The following MAB21L2 variants were observed in gnomAD, a reference collection of about 807,000 sequenced individuals.
MAB21L2 encodes mab-21 like 2, also known as protein mab-21-like 2.
In MAB21L2, 15 loss-of-function variants were observed where a neutral mutation model predicts 29.8. The observed-to-expected ratio is 0.50, with a 90% confidence interval of 0.34 to 0.78. MAB21L2 has a LOEUF of 0.78. MAB21L2 is among the 30% of genes least tolerant of loss of function. MAB21L2 has a pLI of 0.01. For synonymous variants in MAB21L2, 218 were observed against 210.4 expected, an observed-to-expected ratio of 1.04 and a Z score of -0.31; for missense variants, 321 against 480.1, an observed-to-expected ratio of 0.67 and a Z score of 3.10.
chr4:150,582,987 G>A lies in MAB21L2; in HGVS notation c.-43G>A, dbSNP rs1433678324. Reference sequence around the variant, plus strand: ...GTGCGTGAGCCTTGGATCCCTCAACGTATTGCGAGACGCCGGTGTATAGCC... The same window carrying A: ...GTGCGTGAGCCTTGGATCCCTCAACATATTGCGAGACGCCGGTGTATAGCC... On this transcript the variant is annotated 5_prime_UTR_variant, in exon 1 of 1. Coordinates refer to ENST00000317605, the MANE Select transcript of MAB21L2 (RefSeq NM_006439.5). 8.5e-6 allele frequency: 13 copies of A among 1,536,560 alleles called. No homozygotes were observed. Among genetic ancestry groups the A allele is most frequent in the East Asian group, 2.3e-5 (1 of 44,202 alleles).
Position 150,582,774 on chromosome 4 carries a change from T to C in MAB21L2, c.-256T>C, listed in dbSNP as rs533079642. ...AAAGCAAAAAGGTTCCAAGAGGTAC[T>C]TTTCTTTTTAGAAAATCACCTTTTC... On this transcript the variant is annotated 5_prime_UTR_variant, in exon 1 of 1. Coordinates refer to ENST00000317605, the MANE Select transcript of MAB21L2 (RefSeq NM_006439.5). The C allele has an allele frequency of 4.5e-6, 2 of 442,544 alleles. No homozygotes were observed. The highest frequency in any genetic ancestry group is 5.4e-5 in the South Asian group (1 of 18,574). The allele number at this position is 442,544 out of a possible 1,614,324, so 27.4% of individuals were successfully genotyped here. A position where few individuals can be genotyped will look rare whatever the true frequency, so the allele number is the denominator to read the frequency against.
In MAB21L2 at chr4:150,582,974, T is replaced by C; in HGVS notation, c.-56T>C. ...TGGGCCACCACCAGTGCGTGAGCCTTGGATCCCTCAACGTATTGCGAGACG... is the reference window on the plus strand; with the variant it reads ...TGGGCCACCACCAGTGCGTGAGCCTCGGATCCCTCAACGTATTGCGAGACG... On this transcript the variant is annotated 5_prime_UTR_variant, in exon 1 of 1. Transcript: ENST00000317605. 1 of 1,525,596 alleles carries C rather than the reference T, an allele frequency of 6.6e-7. No individual in the cohort carries two copies. Among genetic ancestry groups the C allele is most frequent in the Non-Finnish European group, 8.8e-7 (1 of 1,137,422 alleles). 94.5% of individuals were successfully genotyped at this position (1,525,596 alleles called of 1,614,324 possible).
Position 150,582,830 on chromosome 4 carries a change from T to G in MAB21L2, c.-200T>G. The G allele has an allele frequency of 1.9e-6, 1 of 514,024 alleles. No individual in the cohort carries two copies. The highest frequency in any genetic ancestry group is 3.3e-6 in the Non-Finnish European group (1 of 301,246). The allele number at this position is 514,024 out of a possible 1,614,324, so 31.8% of individuals were successfully genotyped here. ...TAATTCTTCTGCAGAAGAAAAGAGGTTTCGAAAGAGGGAAAAGGAAAAAAC... is the reference window on the plus strand; with the variant it reads ...TAATTCTTCTGCAGAAGAAAAGAGGGTTCGAAAGAGGGAAAAGGAAAAAAC... On this transcript the variant is annotated 5_prime_UTR_variant, in exon 1 of 1. Transcript: ENST00000317605.
At position 150,584,179 on chromosome 4, in the gene MAB21L2, C is replaced by G; in HGVS notation, c.*70C>G. 1 of 1,430,536 alleles carries G rather than the reference C, an allele frequency of 7.0e-7. No individual in the cohort carries two copies. The highest frequency in any genetic ancestry group is 9.2e-7 in the Non-Finnish European group (1 of 1,088,370). 88.6% of individuals were successfully genotyped at this position (1,430,536 alleles called of 1,614,324 possible). A position where few individuals can be genotyped will look rare whatever the true frequency, so the allele number is the denominator to read the frequency against. On this transcript the variant is annotated 3_prime_UTR_variant, in exon 1 of 1. Coordinates refer to ENST00000317605, the MANE Select transcript of MAB21L2 (RefSeq NM_006439.5). Reference sequence around the variant, plus strand: ...CTCAGACACACAACTCTGCTATAAACAGCAGAAACTCTGGACACAAACTTT... The same window carrying G: ...CTCAGACACACAACTCTGCTATAAAGAGCAGAAACTCTGGACACAAACTTT...
At position 150,583,779 on chromosome 4, in the gene MAB21L2, CCT is replaced by C; in HGVS notation, c.754_755del (p.Val253AlafsTer130). On this transcript the variant is annotated frameshift_variant, in exon 1 of 1. Coordinates refer to ENST00000317605, the MANE Select transcript of MAB21L2 (RefSeq NM_006439.5). LOFTEE classifies it high-confidence loss of function. This position sits in a 1 kb window ranked among gnomAD's most constrained non-coding sequence, Gnocchi z 9.8. ...LLMGGCRNKCLSVLKTLRDRH... is the reference protein window; with the variant it reads ...LLMGGCRNKCXSVLKTLRDRH... ...TGATGGGCGGCTGCCGAAACAAGTG[CCT>C]CTCAGTGCTGAAGACTCTGCGGGAC... The C allele has an allele frequency of 6.2e-7, 1 of 1,614,148 alleles. No individual in the cohort carries two copies. Among genetic ancestry groups the C allele is most frequent in the Non-Finnish European group, 8.5e-7 (1 of 1,180,030 alleles).
In MAB21L2 at chr4:150,583,710, C is replaced by T. The variant is rs1351551464; in HGVS notation, c.681C>T (p.Ser227=). 7.4e-6 allele frequency: 12 copies of T among 1,613,248 alleles called. No homozygotes were observed. The South Asian group carries it at 9.9e-5, about 13-fold the overall frequency. Residue 227 remains serine (S), a synonymous_variant, in exon 1 of 1, where the codon AGC becomes AGT. Transcript: ENST00000317605. The surrounding 1 kb of genome is among the most constrained non-coding windows in gnomAD (Gnocchi z 9.8). ...CCGGCAAGCAGAGCTCGGCAGAGAG[C>T]GACGCCTGGGTGCTACAGTTCGGGG... is the stretch of plus-strand genomic sequence containing the variant. ...SLTGKQSSAE[S]DAWVLQFGEA...
Position 150,583,008 on chromosome 4 carries a change from T to G in MAB21L2, c.-22T>G. The G allele has an allele frequency of 6.4e-7, 1 of 1,558,584 alleles. No homozygotes were observed. The highest frequency in any genetic ancestry group is 8.7e-7 in the Non-Finnish European group (1 of 1,151,990). ...CAACGTATTGCGAGACGCCGGTGTA[T>G]AGCCCGGACCTGTGCCCCAACATGA... On this transcript the variant is annotated 5_prime_UTR_variant, in exon 1 of 1. Transcript: ENST00000317605. The surrounding 1 kb of genome is among the most constrained non-coding windows in gnomAD (Gnocchi z 9.8).
Position 150,583,130 on chromosome 4 carries a change from T to C in MAB21L2, c.101T>C (p.Val34Ala). Residue 34 changes from valine (V) to alanine (A), a missense_variant, in exon 1 of 1, where the codon GTC becomes GCC. By Grantham distance (64) the Val-to-Ala change is moderately conservative. Coordinates refer to ENST00000317605, the MANE Select transcript of MAB21L2 (RefSeq NM_006439.5). This position sits in a 1 kb window ranked among gnomAD's most constrained non-coding sequence, Gnocchi z 9.8. ...KAAIAKTIRE[V>A]CKVVSDVLKE... ...GCCATCGCCAAAACCATCCGAGAGG[T>C]CTGTAAGGTGGTCTCGGACGTGCTC... 1 of 1,613,842 alleles carries C rather than the reference T, an allele frequency of 6.2e-7. No homozygotes were observed. Among genetic ancestry groups the C allele is most frequent in the Non-Finnish European group, 8.5e-7 (1 of 1,179,958 alleles).
At position 150,584,127 on chromosome 4, in the gene MAB21L2, G is replaced by GA. The variant is rs752884805; in HGVS notation, c.*22dup. On this transcript the variant is annotated 3_prime_UTR_variant, in exon 1 of 1. Transcript: ENST00000317605. The stretch of plus-strand genomic sequence containing the variant: ...AACTATAGGGTGCTGGGGACTGCTT[G>GA]AAAAGCGACACAAACGGGCGTGCTC... 4 of 1,506,212 alleles carry GA rather than the reference G, an allele frequency of 2.7e-6. No homozygotes were observed. In the South Asian group the frequency reaches 5.5e-5, roughly 21 times the overall value. The allele number at this position is 1,506,212 out of a possible 1,614,324, so 93.3% of individuals were successfully genotyped here.
At position 150,583,249 on chromosome 4, in the gene MAB21L2, T is replaced by A; in HGVS notation, c.220T>A (p.Phe74Ile). 1 of 1,614,160 alleles carries A rather than the reference T, an allele frequency of 6.2e-7. No individual in the cohort carries two copies. The highest frequency in any genetic ancestry group is 8.5e-7 in the Non-Finnish European group (1 of 1,180,022). The part of the protein sequence containing the change: ...EGLEVISPTE[F>I]EVVLYLNQMG... Reference sequence around the variant, plus strand: ...GCTCGAGGTCATTTCGCCCACCGAATTTGAGGTGGTGCTCTACCTAAACCA... The same window carrying A: ...GCTCGAGGTCATTTCGCCCACCGAAATTGAGGTGGTGCTCTACCTAAACCA... Residue 74 changes from phenylalanine to isoleucine, a missense_variant, in exon 1 of 1, where the codon TTT (phenylalanine) becomes ATT (isoleucine). Physicochemically the swap from Phe to Ile is conservative, Grantham distance 21. Coordinates refer to ENST00000317605, the MANE Select transcript of MAB21L2 (RefSeq NM_006439.5). The surrounding 1 kb of genome is among the most constrained non-coding windows in gnomAD (Gnocchi z 9.8).
In MAB21L2 at chr4:150,583,353, G is replaced by A. The variant is rs200271959; in HGVS notation, c.324G>A (p.Arg108=). The A allele has an allele frequency of 7.4e-6, 12 of 1,614,184 alleles. No homozygotes were observed. Residue 108 remains arginine, a synonymous_variant, in exon 1 of 1, where the codon CGG becomes CGA. Transcript: ENST00000317605. This position sits in a 1 kb window ranked among gnomAD's most constrained non-coding sequence, Gnocchi z 9.8. ...AVLKLSDGRK[R]SMSLWVEFIT... ...TCAAACTGAGCGATGGGCGGAAGCG[G>A]AGCATGTCTCTCTGGGTCGAGTTCA... is the stretch of plus-strand genomic sequence containing the variant.
Position 150,583,301 on chromosome 4 carries a change from A to G in MAB21L2, c.272A>G (p.Asp91Gly), listed in dbSNP as rs750314750. The change falls in exon 1 of 1, where the codon GAC (aspartate) becomes GGC (glycine). Residue 91 changes from aspartate to glycine, a missense_variant. Physicochemically the swap from Asp to Gly is moderately conservative, Grantham distance 94. Coordinates refer to ENST00000317605, the MANE Select transcript of MAB21L2 (RefSeq NM_006439.5). This position sits in a 1 kb window ranked among gnomAD's most constrained non-coding sequence, Gnocchi z 9.8. The part of the protein sequence containing the change: ...NQMGVFNFVD[D>G]GSLPGCAVLK... ...ATGGGCGTCTTCAACTTCGTGGACG[A>G]CGGCTCGCTGCCCGGCTGCGCAGTG... The G allele has an allele frequency of 3.7e-6, 6 of 1,614,186 alleles. No individual in the cohort carries two copies. The highest frequency in any genetic ancestry group is 5.1e-6 in the Non-Finnish European group (6 of 1,180,038).
In MAB21L2 at chr4:150,582,957, C is replaced by G. The variant is rs1771586934; in HGVS notation, c.-73C>G. The stretch of plus-strand genomic sequence containing the variant: ...CCTCTTTCGAAAGCCGCTGGGCCAC[C>G]ACCAGTGCGTGAGCCTTGGATCCCT... On this transcript the variant is annotated 5_prime_UTR_variant, in exon 1 of 1. Coordinates refer to ENST00000317605, the MANE Select transcript of MAB21L2 (RefSeq NM_006439.5). 1 of 1,507,592 alleles carries G rather than the reference C, an allele frequency of 6.6e-7. No homozygotes were observed. The allele number at this position is 1,507,592 out of a possible 1,614,324, so 93.4% of individuals were successfully genotyped here.
chr4:150,582,728 G>A lies in MAB21L2; in HGVS notation c.-302G>A, dbSNP rs1581738229. 3.4e-6 allele frequency: 1 copy of A among 297,252 alleles called. No homozygotes were observed. Among genetic ancestry groups the A allele is most frequent in the East Asian group, 5.6e-5 (1 of 17,764 alleles). 18.4% of individuals were successfully genotyped at this position (297,252 alleles called of 1,614,324 possible). Reference sequence around the variant, plus strand: ...GCCCACCCCGCTTCTCTCGCACACGGTCATCTTTACATATCAAGAGAAAGC... The same window carrying A: ...GCCCACCCCGCTTCTCTCGCACACGATCATCTTTACATATCAAGAGAAAGC... On this transcript the variant is annotated 5_prime_UTR_variant, in exon 1 of 1. Coordinates refer to ENST00000317605, the MANE Select transcript of MAB21L2 (RefSeq NM_006439.5).
chr4:150,584,142 C>G lies in MAB21L2; in HGVS notation c.*33C>G. 2 of 1,501,944 alleles carry G rather than the reference C, an allele frequency of 1.3e-6. No individual in the cohort carries two copies. Among genetic ancestry groups the G allele is most frequent in the South Asian group, 1.4e-5 (1 of 71,392 alleles). 93.0% of individuals were successfully genotyped at this position (1,501,944 alleles called of 1,614,324 possible). A position where few individuals can be genotyped will look rare whatever the true frequency, so the allele number is the denominator to read the frequency against. On this transcript the variant is annotated 3_prime_UTR_variant, in exon 1 of 1. Coordinates refer to ENST00000317605, the MANE Select transcript of MAB21L2 (RefSeq NM_006439.5). ...GGGACTGCTTGAAAAGCGACACAAA[C>G]GGGCGTGCTCTCTCAGACACACAAC...
rs1179962218 is a variant in MAB21L2 at position 150,583,825 on chromosome 4, G to C, written c.796G>C (p.Gly266Arg). 14 of 1,614,190 alleles carry C rather than the reference G, an allele frequency of 8.7e-6. No individual in the cohort carries two copies. The highest frequency in any genetic ancestry group is 1.1e-5 in the Non-Finnish European group (13 of 1,180,034). Residue 266 changes from glycine to arginine, a missense_variant, in exon 1 of 1, where the codon GGC becomes CGC. By Grantham distance (125) the Gly-to-Arg change is moderately radical (BLOSUM62 -2). Transcript: ENST00000317605. The surrounding 1 kb of genome is among the most constrained non-coding windows in gnomAD (Gnocchi z 9.8). Reference sequence around the variant, plus strand: ...GCGGGACCGCCACCTGGAGCTACCCGGCCAGCCGCTCAACAACTACCACAT... The same window carrying C: ...GCGGGACCGCCACCTGGAGCTACCCCGCCAGCCGCTCAACAACTACCACAT... ...TLRDRHLELPGQPLNNYHMKT... is the reference protein window; with the variant it reads ...TLRDRHLELPRQPLNNYHMKT...
In MAB21L2 at chr4:150,583,396, C is replaced by G. The variant is rs1425553540; in HGVS notation, c.367C>G (p.Leu123Val). 1 of 1,613,952 alleles carries G rather than the reference C, an allele frequency of 6.2e-7. No homozygotes were observed. Among genetic ancestry groups the G allele is most frequent in the African/African-American group, 1.3e-5 (1 of 74,946 alleles). The change falls in exon 1 of 1, where the codon CTC becomes GTC. Residue 123 changes from leucine to valine, a missense_variant. Coordinates refer to ENST00000317605, the MANE Select transcript of MAB21L2 (RefSeq NM_006439.5). This position sits in a 1 kb window ranked among gnomAD's most constrained non-coding sequence, Gnocchi z 9.8. ...WVEFITASGY[L>V]SARKIRSRFQ... ...CGAGTTCATCACGGCGTCGGGCTAT[C>G]TCTCAGCGCGTAAGATCCGCTCGCG...
At position 150,584,104 on chromosome 4, in the gene MAB21L2, CTA is replaced by C; in HGVS notation, c.1078_1079del (p.Ter360GlyfsTer23). The C allele has an allele frequency of 6.5e-7, 1 of 1,538,302 alleles. No homozygotes were observed. Among genetic ancestry groups the C allele is most frequent in the Non-Finnish European group, 8.7e-7 (1 of 1,143,062 alleles). ...CACCAATCCCAAAAGCCTGGACAAA[CTA>C]TAGGGTGCTGGGGACTGCTTGAAAA... is the stretch of plus-strand genomic sequence containing the variant. ...ILTNPKSLDK[L>X] On this transcript the variant is annotated frameshift_variant, in exon 1 of 1. Coordinates refer to ENST00000317605, the MANE Select transcript of MAB21L2 (RefSeq NM_006439.5). LOFTEE classifies it high-confidence loss of function.
chr4:150,584,046 C>G lies in MAB21L2; in HGVS notation c.1017C>G (p.Ala339=), dbSNP rs769443445. 1 of 1,605,124 alleles carries G rather than the reference C, an allele frequency of 6.2e-7. No individual in the cohort carries two copies. The highest frequency in any genetic ancestry group is 2.2e-5 in the East Asian group (1 of 44,844). Residue 339 remains alanine (A), a synonymous_variant, in exon 1 of 1, where the codon GCC becomes GCG. Coordinates refer to ENST00000317605, the MANE Select transcript of MAB21L2 (RefSeq NM_006439.5). The stretch of plus-strand genomic sequence containing the variant: ...CCCATTCGGCCCTGGAGAGCGCTGC[C>G]AAGCAGACCTGGAGGTTGGCCAGGG... ...GKPHSALESA[A]KQTWRLAREI...
Sources: gnomAD v4.1 joint callset for allele counts on GRCh38, gnomAD v4.1.1 for gene constraint, Gnocchi (gnomAD v3.1) non-coding constraint, MANE v1.5 for transcripts, NCBI Gene and HGNC (gene_info 2026-07-23, HGNC 2026-07-21) for gene names.